TEAD1: variants seen among roughly 807,000 people sequenced by gnomAD.
TEAD1 encodes the protein TEA domain transcription factor 1.
In TEAD1, 9 loss-of-function variants were observed where a neutral mutation model predicts 54.9. That is an observed-to-expected ratio of 0.16 (90% CI 0.10 to 0.29). The LOEUF (loss-of-function observed/expected upper bound fraction) is 0.29. TEAD1 is among the 10% of genes least tolerant of loss of function. The pLI, the probability that TEAD1 is intolerant of heterozygous loss-of-function variation, is 1.00. For missense variants in TEAD1, 387 were observed against 535.9 expected, an observed-to-expected ratio of 0.72 and a Z score of 2.74; for synonymous variants, 200 against 187.8, an observed-to-expected ratio of 1.07 and a Z score of -0.53.
chr11:12,864,635 T>C, intron 4 of TEAD1: 1 of 1,269,716 alleles, frequency 7.9e-7, no homozygotes, highest in Non-Finnish European at 1.1e-6. Context: ...TTGTTTTGTT[T>C]TGTTTTGTTT....
At chr11:12,870,601 C>G (rs931244350) in intron 5 of TEAD1, among the ~76,000 whole-genome samples, 4 of 152,064 alleles carry the variant, frequency 2.6e-5, no homozygotes, top group African/African-American at 9.7e-5. Context: ...ATATCTAGGA[C>G]AAGGCTGGGC....
intron 10 of TEAD1, among the ~76,000 whole-genome samples, chr11:12,919,920 C>T (rs925112705): frequency 1.3e-5 from 2 of 152,160 alleles, no homozygotes; most frequent in Non-Finnish European, 2.9e-5. Flanking sequence ...CACATGTGGA[C>T]TCAGCCTAGT....
chr11:12,828,751 A>G (rs2134014142), intron 3 of TEAD1, among the ~76,000 whole-genome samples: 1 of 148,198 alleles, frequency 6.7e-6, no homozygotes, highest in South Asian at 2.1e-4. Flanking sequence ...ACTTTTCCTT[A>G]ACTGGCGTCA....
chr11:12,674,959 G>T (rs1460760905), intron 1 of TEAD1, 125 bp downstream of exon 1: 1 of 148,958 alleles, frequency 6.7e-6, no homozygotes, highest in Admixed American at 6.7e-5. Flanking sequence ...ACGGCGGGCG[G>T]GCACGCGGAG....
intron 2 of TEAD1, among the ~76,000 whole-genome samples, chr11:12,755,906 G>A (rs1207479311): frequency 1.3e-5 from 2 of 152,142 alleles, no homozygotes; most frequent in African/African-American, 2.4e-5. Flanking sequence ...GAAAGGAAGG[G>A]GCAGGATTTC....
chr11:12,858,053 C>T (rs775300829), intron 3 of TEAD1, among the ~76,000 whole-genome samples: 1 of 151,994 alleles, frequency 6.6e-6, no homozygotes, highest in Non-Finnish European at 1.5e-5. Context: ...TGCAGTGAGC[C>T]GAGATCGTGC....
chr11:12,733,791 T>C (rs1388796521), intron 2 of TEAD1, among the ~76,000 whole-genome samples: 1 of 152,258 alleles, frequency 6.6e-6, no homozygotes, highest in African/African-American at 2.4e-5. Flanking sequence ...GATAATCATA[T>C]GTACAATAGT....
At chr11:12,913,317 T>C (rs573082292) in intron 10 of TEAD1, among the ~76,000 whole-genome samples, 39 of 152,288 alleles carry the variant, frequency 2.6e-4, no homozygotes, top group Non-Finnish European at 2.8e-4. Context: ...ATGAATAGTT[T>C]GAGCAGTTGA....
chr11:12,859,215 T>C (rs1441369630), intron 3 of TEAD1, among the ~76,000 whole-genome samples: 1 of 152,204 alleles, frequency 6.6e-6, no homozygotes, highest in African/African-American at 2.4e-5. Flanking sequence ...TTCATTCAAC[T>C]CCAAGTGCTG....
chr11:12,724,190 C>G (rs1190237984), intron 2 of TEAD1, among the ~76,000 whole-genome samples: 4 of 152,194 alleles, frequency 2.6e-5, no homozygotes, highest in Admixed American at 1.3e-4. Context: ...GAAAGACACA[C>G]ACTCTCTTGG....
rs549068416 is a variant in TEAD1, at chr11:12,845,179, G to T, written c.203-17071G>T. Among the ~76,000 whole-genome samples the T allele has an allele frequency of 2.0e-5, 3 of 152,044 alleles. No homozygotes were observed. In the South Asian group the frequency reaches 6.2e-4, roughly 32 times the overall value. ...GGGGTTTCACCATCTTGGCCAGGCT[G>T]TTGTTGAACTCCTGACCTCAAGTGA... On this transcript the variant is annotated intron_variant, in intron 3 of 12. Coordinates refer to ENST00000527636, the MANE Select transcript of TEAD1 (RefSeq NM_021961.6).
chr11:12,823,101 C>T (rs1455464661), intron 3 of TEAD1, among the ~76,000 whole-genome samples: 1 of 152,156 alleles, frequency 6.6e-6, no homozygotes, highest in African/African-American at 2.4e-5. Flanking sequence ...CATCTTTGCT[C>T]ATAGCAGCGA....
chr11:12,925,159 C>A, intron 11 of TEAD1, 107 bp downstream of exon 11: 3 of 1,286,910 alleles, frequency 2.3e-6, no homozygotes, highest in Non-Finnish European at 3.3e-6. Context: ...CTGCTTCTTA[C>A]CTTCTGTATT....
intron 3 of TEAD1, among the ~76,000 whole-genome samples, chr11:12,793,587 GACATTGACTGTTTTC>G (rs1945852076): frequency 2.0e-5 from 3 of 152,052 alleles, no homozygotes; most frequent in Non-Finnish European, 4.4e-5. Context: ...TAGTTTGTAG[GACATTGACTGTTTTC>G]ACTTTTGTTG....
At chr11:12,916,496 GTGA>G (rs1948715056) in intron 10 of TEAD1, among the ~76,000 whole-genome samples, 1 of 152,196 alleles carries the variant, frequency 6.6e-6, no homozygotes, top group Non-Finnish European at 1.5e-5. Flanking sequence ...GTGAACAGGA[GTGA>G]TGATAGGTAT....
chr11:12,881,813 T>C (rs994908410), intron 7 of TEAD1, 83 bp from the exon 8 acceptor site: 5 of 1,435,542 alleles, frequency 3.5e-6, no homozygotes, highest in African/African-American at 1.4e-5. Context: ...GACCTCCCAC[T>C]GGGAGGTCAT....
At chr11:12,893,906 C>T (rs1271105397) in intron 9 of TEAD1, among the ~76,000 whole-genome samples, 2 of 152,176 alleles carry the variant, frequency 1.3e-5, no homozygotes, top group African/African-American at 4.8e-5. Context: ...ACCGTGAGCA[C>T]AGGCAAGCTC....
At chr11:12,704,815 A>G (rs1943780904) in intron 2 of TEAD1, among the ~76,000 whole-genome samples, 1 of 152,200 alleles carries the variant, frequency 6.6e-6, no homozygotes, top group South Asian at 2.1e-4. Flanking sequence ...GTGCTGTTTT[A>G]TTCATAGAAC....
chr11:12,690,297 G>T (rs1279196221), intron 2 of TEAD1, among the ~76,000 whole-genome samples: 2 of 151,212 alleles, frequency 1.3e-5, no homozygotes, highest in Non-Finnish European at 2.9e-5. Flanking sequence ...TCTAGTCACT[G>T]TTTGGATTTC....
Sources: gnomAD v4.1 joint callset for allele counts (sites outside exome capture counted in the v4.1 genomes callset) on GRCh38, gnomAD v4.1.1 for gene constraint, MANE v1.5 for transcripts, NCBI Gene and HGNC (gene_info 2026-07-23, HGNC 2026-07-21) for gene names.